The following ATRNL1 variants were observed in gnomAD, a reference collection of about 807,000 sequenced individuals.
ATRNL1 encodes the protein attractin-like protein 1.
Under a neutral mutation model 182.7 loss-of-function variants are expected in ATRNL1, and 95 were observed. The ratio of observed to expected loss-of-function variants is 0.52; its 90% confidence interval spans 0.44 to 0.62. The LOEUF (loss-of-function observed/expected upper bound fraction) is 0.62. Among genes scored for constraint, ATRNL1 ranks in the 20% least tolerant of loss-of-function variants. The pLI, the probability that ATRNL1 is intolerant of heterozygous loss-of-function variation, is 0.00. For missense variants in ATRNL1, 1,471 were observed against 1,679.5 expected (o/e 0.88, Z 2.17); for synonymous variants, 576 against 568.3 (o/e 1.01, Z -0.19).
intron 27 of ATRNL1, among the ~76,000 whole-genome samples, chr10:115,740,478 T>C (rs1555067334): frequency 6.9e-6 from 1 of 145,038 alleles, no homozygotes; most frequent in Non-Finnish European, 1.5e-5. Flanking sequence ...CAGGCCAGGC[T>C]GAGCAATATC....
At chr10:115,307,578 TA>T (rs2133993162) in intron 17 of ATRNL1, among the ~76,000 whole-genome samples, 1 of 152,238 alleles carries the variant, frequency 6.6e-6, no homozygotes, top group African/African-American at 2.4e-5. Context: ...GGTTTTTTAT[TA>T]TACACCCTGT....
chr10:115,806,185 G>A (rs1262111675), intron 27 of ATRNL1, among the ~76,000 whole-genome samples: 1 of 152,044 alleles, frequency 6.6e-6, no homozygotes, highest in Admixed American at 6.6e-5. Context: ...AGTGAGGAAC[G>A]GTCAGATATT....
chr10:115,650,277 T>C (rs2133879044), intron 26 of ATRNL1, among the ~76,000 whole-genome samples: 1 of 152,250 alleles, frequency 6.6e-6, no homozygotes, highest in South Asian at 2.1e-4. Context: ...TCTCAGCGTA[T>C]GCAGAGCTGA....
At chr10:115,759,817 AG>A (rs1948687518) in intron 27 of ATRNL1, among the ~76,000 whole-genome samples, 1 of 145,472 alleles carries the variant, frequency 6.9e-6, no homozygotes. Context: ...CTGGGATTAC[AG>A]GTGTGCACCA....
intron 26 of ATRNL1, among the ~76,000 whole-genome samples, chr10:115,646,068 C>CACACAG (rs1354940128): frequency 6.6e-6 from 1 of 150,874 alleles, no homozygotes; most frequent in Non-Finnish European, 1.5e-5. Flanking sequence ...CACACACACA[C>CACACAG]AAACATATAT....
chr10:115,867,777 G>A (rs576041105), intron 28 of ATRNL1, among the ~76,000 whole-genome samples: 85 of 144,456 alleles, frequency 5.9e-4, no homozygotes, highest in Non-Finnish European at 8.5e-4. Flanking sequence ...TCACTCTGTC[G>A]CCCAGGCTGG....
chr10:115,630,213 G>T (rs1464402031), intron 26 of ATRNL1, among the ~76,000 whole-genome samples: 2 of 151,946 alleles, frequency 1.3e-5, no homozygotes, highest in Non-Finnish European at 2.9e-5. Flanking sequence ...ACTTGAATAG[G>T]CATTTTCCCA....
intron 24 of ATRNL1, among the ~76,000 whole-genome samples, chr10:115,508,639 A>G (rs546222329): frequency 2.0e-5 from 3 of 152,166 alleles, no homozygotes; most frequent in South Asian, 2.1e-4. Flanking sequence ...CAAAACCACT[A>G]TAACATTCCC....
chr10:115,556,808 T>G (rs1853340879), intron 26 of ATRNL1, among the ~76,000 whole-genome samples: 1 of 150,982 alleles, frequency 6.6e-6, no homozygotes. Flanking sequence ...CCATTTCTAC[T>G]GTAATGCAAT....
intron 13 of ATRNL1, among the ~76,000 whole-genome samples, chr10:115,270,672 A>C (rs1277664889): frequency 6.6e-6 from 1 of 151,960 alleles, no homozygotes; most frequent in African/African-American, 2.4e-5. Flanking sequence ...TTCTTCCTCT[A>C]CTTTTTTGTT....
intron 3 of ATRNL1, 64 bp from the exon 4 acceptor site, chr10:115,127,529 T>C (rs572418196): frequency 1.4e-6 from 2 of 1,388,610 alleles, no homozygotes; most frequent in Admixed American, 2.3e-5. Context: ...TCTGAGTAAA[T>C]TTTATGTGCT....
chr10:115,634,233 A>G (rs1165039713), intron 26 of ATRNL1, among the ~76,000 whole-genome samples: 1 of 152,130 alleles, frequency 6.6e-6, no homozygotes, highest in Non-Finnish European at 1.5e-5. Context: ...ATCTTTGCCA[A>G]ATTATCCTTA....
At chr10:115,630,364 G>A (rs1379834386) in intron 26 of ATRNL1, among the ~76,000 whole-genome samples, 1 of 151,974 alleles carries the variant, frequency 6.6e-6, no homozygotes, top group Non-Finnish European at 1.5e-5. Flanking sequence ...AAAAGTACAA[G>A]TGTTGGTGAT....
At chr10:115,623,820 G>A (rs1354606273) in intron 26 of ATRNL1, among the ~76,000 whole-genome samples, 1 of 151,956 alleles carries the variant, frequency 6.6e-6, no homozygotes, top group Non-Finnish European at 1.5e-5. Context: ...CTTGATTCTT[G>A]TAAAATAAAA....
chr10:115,813,967 T>G (rs1045883869), intron 27 of ATRNL1, among the ~76,000 whole-genome samples: 8 of 152,186 alleles, frequency 5.3e-5, no homozygotes, highest in African/African-American at 1.4e-4. Context: ...ATAAGTTATC[T>G]TTTTTAATTT....
At chr10:115,687,562 G>A (rs1327284476) in intron 26 of ATRNL1, among the ~76,000 whole-genome samples, 2 of 152,060 alleles carry the variant, frequency 1.3e-5, no homozygotes, top group Non-Finnish European at 2.9e-5. Flanking sequence ...AGTATTGTAA[G>A]CAATGCTGAA....
chr10:115,519,166 G>C lies in ATRNL1; in HGVS notation c.3655-97G>C, dbSNP rs1329904082. On this transcript the variant is annotated intron_variant, in intron 24 of 28. Coordinates refer to ENST00000355044, the MANE Select transcript of ATRNL1 (RefSeq NM_207303.4). Reference sequence around the variant, plus strand: ...TATAATATCATGATCCAAATGTCTTGGTGATTTAGAAAAACTGTATTTACA... The same window carrying C: ...TATAATATCATGATCCAAATGTCTTCGTGATTTAGAAAAACTGTATTTACA... 1.2e-5 allele frequency: 12 copies of C among 997,328 alleles called. No homozygotes were observed. In the Admixed American group the frequency reaches 2.6e-4, roughly 22 times the overall value. 61.8% of individuals were successfully genotyped at this position (997,328 alleles called of 1,614,324 possible). A position where few individuals can be genotyped will look rare whatever the true frequency, so the allele number is the denominator to read the frequency against.
chr10:115,230,870 TGA>T (rs1169884107), intron 9 of ATRNL1, among the ~76,000 whole-genome samples: 2,000 of 83,364 alleles, frequency 0.024, 26 homozygotes, highest in East Asian at 0.04. Flanking sequence ...ATAGAGTGGA[TGA>T]GAGAGAGAGA....
Position 115,717,222 on chromosome 10 carries a change from C to T in ATRNL1, c.3796-10026C>T, listed in dbSNP as rs147960172. 3.5e-3 allele frequency among the ~76,000 whole-genome samples: 531 copies of T among 152,242 alleles called. 1 individual carries two copies. Among genetic ancestry groups the T allele is most frequent in the Non-Finnish European group, 5.2e-3 (351 of 67,996 alleles). ...CTGAATGATGTCTTAAATAACTTTA[C>T]TTGAGGATGGTAAAGCCTATTTCTT... is the stretch of plus-strand genomic sequence containing the variant. On this transcript the variant is annotated intron_variant, in intron 26 of 28. Transcript: ENST00000355044.
Sources: allele counts gnomAD v4.1 joint callset (sites outside exome capture counted in the v4.1 genomes callset), GRCh38; gene constraint gnomAD v4.1.1; transcripts MANE v1.5; gene names NCBI Gene and HGNC (gene_info 2026-07-23, HGNC 2026-07-21).